The following CCDC68 variants were observed in gnomAD, a reference collection of about 807,000 sequenced individuals.
CCDC68 encodes the protein coiled-coil domain-containing protein 68.
CCDC68 carries 45 observed loss-of-function variants against 47.1 expected under a neutral mutation model. The observed-to-expected ratio is 0.96, with a 90% CI of 0.75 to 1.23. The LOEUF is 1.23. CCDC68 is among the 50% of genes most tolerant of loss of function. CCDC68 has a pLI of 0.00. For missense variants in CCDC68, 353 were observed against 373.6 expected, an observed-to-expected ratio of 0.94 and a Z score of 0.45; for synonymous variants, 131 against 129.5, an observed-to-expected ratio of 1.01 and a Z score of -0.08.
At chr18:54,942,601 AAAATCCTCCAGCCCAT>A in intron 3 of CCDC68, 58 bp downstream of exon 3, 3 of 921,692 alleles carry the variant, frequency 3.3e-6, no homozygotes, top group Non-Finnish European at 5.1e-6. Context: ...AGAGGGAAAC[AAAATCCTCCAGCCCAT>A]ATTGGAATTT....
Position 54,903,194 on chromosome 18 carries a change from G to A in CCDC68, c.*1164C>T, listed in dbSNP as rs1913781757. ...TTCACATTCCATAATGAAAGAGTCAGCATCTTTTCTGAGCAAATATTTAAA... is the reference window on the plus strand; with the variant it reads ...TTCACATTCCATAATGAAAGAGTCAACATCTTTTCTGAGCAAATATTTAAA... On this transcript the variant is annotated 3_prime_UTR_variant, in exon 12 of 12. Coordinates refer to ENST00000591504, the MANE Select transcript of CCDC68 (RefSeq NM_025214.3). 2 of 152,034 alleles carry A rather than the reference G, an allele frequency of 1.3e-5. No individual in the cohort carries two copies. Among genetic ancestry groups the A allele is most frequent in the Non-Finnish European group, 2.9e-5 (2 of 67,988 alleles). 9.4% of individuals were successfully genotyped at this position (152,034 alleles called of 1,614,324 possible). A position where few individuals can be genotyped will look rare whatever the true frequency, so the allele number is the denominator to read the frequency against.
chr18:54,927,392 A>T (rs2044164249), intron 8 of CCDC68, among the ~76,000 whole-genome samples: 1 of 152,176 alleles, frequency 6.6e-6, no homozygotes, highest in South Asian at 2.1e-4. Flanking sequence ...TTTTTAAAAC[A>T]GGTATATTGT....
chr18:54,957,856 A>G (rs747639559), intron 1 of CCDC68: 4 of 152,182 alleles, frequency 2.6e-5, no homozygotes, highest in Non-Finnish European at 5.9e-5. Flanking sequence ...TCCCATCAAA[A>G]TCTTCAGTTA....
intron 11 of CCDC68, among the ~76,000 whole-genome samples, chr18:54,904,730 T>A (rs578011501): frequency 6.6e-6 from 1 of 152,100 alleles, no homozygotes; most frequent in Non-Finnish European, 1.5e-5. Flanking sequence ...CCAGAGTGAG[T>A]TGGAGATGAC....
intron 8 of CCDC68, among the ~76,000 whole-genome samples, chr18:54,927,758 T>C (rs561055700): frequency 1.3e-5 from 2 of 152,360 alleles, no homozygotes; most frequent in East Asian, 3.9e-4. Context: ...CATATTGGTA[T>C]CCTAGTATGT....
intron 8 of CCDC68, among the ~76,000 whole-genome samples, chr18:54,927,264 A>C (rs561092580): frequency 1.3e-5 from 2 of 152,210 alleles, no homozygotes; most frequent in Non-Finnish European, 2.9e-5. Flanking sequence ...AAACCTTTCT[A>C]GAAACACCAA....
intron 7 of CCDC68, among the ~76,000 whole-genome samples, chr18:54,929,846 G>A (rs1295480329): frequency 2.0e-5 from 3 of 152,122 alleles, no homozygotes; most frequent in Non-Finnish European, 2.9e-5. Context: ...TAAACTCTCT[G>A]GGCCTTACCA....
At chr18:54,913,320 G>A (rs931950353) in intron 10 of CCDC68, among the ~76,000 whole-genome samples, 6 of 152,144 alleles carry the variant, frequency 3.9e-5, no homozygotes, top group Middle Eastern at 3.2e-3. Flanking sequence ...AAAAGTTGCT[G>A]GGTTTAAAAG....
chr18:54,952,259 TCA>T (rs5825109), intron 1 of CCDC68, among the ~76,000 whole-genome samples: 20,112 of 152,254 alleles, frequency 0.13, 1,568 homozygotes, highest in South Asian at 0.23. Flanking sequence ...ATGACATATG[TCA>T]CAGTCACTTG....
At chr18:54,950,857 A>G (rs1279299831) in intron 1 of CCDC68, among the ~76,000 whole-genome samples, 2 of 144,616 alleles carry the variant, frequency 1.4e-5, no homozygotes, top group Non-Finnish European at 3.0e-5. Flanking sequence ...TAAGAACCTC[A>G]TCAACTGAAC....
chr18:54,910,836 C>T lies in CCDC68; in HGVS notation c.874-2974G>A, dbSNP rs531503720. Reference sequence around the variant, plus strand: ...TGACAGTGCCTGGGCTTGGCCCCAACTTTGCTCCGAGATTGGGGAGGGTGC... The same window carrying T: ...TGACAGTGCCTGGGCTTGGCCCCAATTTTGCTCCGAGATTGGGGAGGGTGC... On this transcript the variant is annotated intron_variant, in intron 10 of 11. Coordinates refer to ENST00000591504, the MANE Select transcript of CCDC68 (RefSeq NM_025214.3). 5.3e-5 allele frequency among the ~76,000 whole-genome samples: 8 copies of T among 152,354 alleles called. No individual in the cohort carries two copies. The South Asian group carries it at 1.7e-3, about 32-fold the overall frequency.
chr18:54,951,820 T>C (rs190725613), intron 1 of CCDC68, among the ~76,000 whole-genome samples: 1 of 152,178 alleles, frequency 6.6e-6, no homozygotes, highest in Non-Finnish European at 1.5e-5. Context: ...AACAAGGGAT[T>C]TGGACTCAGT....
At chr18:54,941,290 T>C (rs2044433068) in intron 3 of CCDC68, among the ~76,000 whole-genome samples, 1 of 152,196 alleles carries the variant, frequency 6.6e-6, no homozygotes, top group Non-Finnish European at 1.5e-5. Context: ...ATTTGGACTT[T>C]ATAACTCTTT....
chr18:54,950,803 T>TATATATATATATATATATATATATATAC (rs35471289), intron 1 of CCDC68, among the ~76,000 whole-genome samples: 1 of 87,196 alleles, frequency 1.1e-5, no homozygotes, highest in African/African-American at 6.0e-5. Context: ...TATATATATA[T>TATATATATATATATATATATATATATAC]GATGCAATAA....
chr18:54,916,629 A>C (rs942360887), intron 10 of CCDC68, among the ~76,000 whole-genome samples: 3 of 152,100 alleles, frequency 2.0e-5, no homozygotes, highest in Non-Finnish European at 4.4e-5. Flanking sequence ...CAAGAAATGG[A>C]ATGAGGTGGA....
chr18:54,941,159 G>C, intron 3 of CCDC68, 76 bp from the exon 4 acceptor site: 1 of 908,080 alleles, frequency 1.1e-6, no homozygotes, highest in Non-Finnish European at 1.8e-6. Flanking sequence ...ACCAGTTACA[G>C]GGTACCTGAT....
At chr18:54,949,404 C>A (rs762941072) in intron 1 of CCDC68, among the ~76,000 whole-genome samples, 12 of 152,150 alleles carry the variant, frequency 7.9e-5, no homozygotes, top group Non-Finnish European at 1.5e-4. Context: ...TTTGAGGCTT[C>A]GTTTGCCTAA....
chr18:54,920,901 C>T (rs534099087), intron 8 of CCDC68, among the ~76,000 whole-genome samples: 1 of 152,312 alleles, frequency 6.6e-6, no homozygotes, highest in South Asian at 2.1e-4. Flanking sequence ...ACTCTTATGT[C>T]CATCACAGCA....
chr18:54,940,713 T>C (rs2044422619), intron 4 of CCDC68, among the ~76,000 whole-genome samples: 1 of 152,270 alleles, frequency 6.6e-6, no homozygotes, highest in African/African-American at 2.4e-5. Flanking sequence ...CTGCCTGTCA[T>C]TGGGAAATGT....
Sources: allele counts gnomAD v4.1 joint callset (sites outside exome capture counted in the v4.1 genomes callset), GRCh38; gene constraint gnomAD v4.1.1; transcripts MANE v1.5; gene names NCBI Gene and HGNC (gene_info 2026-07-23, HGNC 2026-07-21).